The following FDCSP variants were observed in gnomAD, a reference collection of about 807,000 sequenced individuals.
The protein encoded by FDCSP is follicular dendritic cell secreted protein, also known as follicular dendritic cell secreted peptide.
FDCSP carries 8 observed loss-of-function variants against 8.9 expected under a neutral mutation model. The ratio of observed to expected loss-of-function variants is 0.90; its 90% CI spans 0.53 to 1.63. FDCSP has a LOEUF of 1.63. FDCSP is among the 40% of genes most tolerant of loss of function. The probability of loss-of-function intolerance (pLI) is 0.00; values close to 1 mark genes in which losing one functional copy is unlikely to be tolerated. For synonymous variants in FDCSP, 34 were observed against 34.5 expected, an observed-to-expected ratio of 0.98 and a Z score of 0.06; for missense variants, 101 against 103.6, an observed-to-expected ratio of 0.98 and a Z score of 0.11.
rs753596061 is a variant in FDCSP, at chr4:70,234,236, T to C, written c.*28+21T>C. Reference sequence around the variant, plus strand: ...ACCTGGTAAGTACACATAGTTACAATCATAGTTTATTTTAAGTTTGCAGAT... The same window carrying C: ...ACCTGGTAAGTACACATAGTTACAACCATAGTTTATTTTAAGTTTGCAGAT... On this transcript the variant is annotated intron_variant, in intron 4 of 4. Transcript: ENST00000317987. The C allele has an allele frequency of 8.1e-6, 12 of 1,483,774 alleles. No individual in the cohort carries two copies. The Admixed American group carries it at 1.6e-4, about 20-fold the overall frequency. 91.9% of individuals were successfully genotyped at this position (1,483,774 alleles called of 1,614,324 possible).
At chr4:70,228,942 A>G (rs1050976767) in intron 1 of FDCSP, among the ~76,000 whole-genome samples, 2 of 151,798 alleles carry the variant, frequency 1.3e-5, no homozygotes, top group Admixed American at 6.6e-5. Flanking sequence ...TTTCTAAATG[A>G]TAAATGAGCA....
chr4:70,229,527 A>G (rs1283776327), intron 1 of FDCSP, among the ~76,000 whole-genome samples: 3 of 151,724 alleles, frequency 2.0e-5, no homozygotes, highest in African/African-American at 7.3e-5. Context: ...CTTCTTCACT[A>G]AATCGTTTTT....
chr4:70,233,251 C>T (rs2109686687), intron 3 of FDCSP, among the ~76,000 whole-genome samples: 1 of 151,726 alleles, frequency 6.6e-6, no homozygotes, highest in Admixed American at 6.6e-5. Context: ...GGATTGAAAT[C>T]CGAATCACTC....
intron 4 of FDCSP, 26 bp downstream of exon 4, chr4:70,234,241 GTTTAT>G (rs1227669310): frequency 2.7e-6 from 4 of 1,465,580 alleles, no homozygotes; most frequent in Non-Finnish European, 3.6e-6. Flanking sequence ...TACAATCATA[GTTTAT>G]TTTAAGTTTG....
At chr4:70,233,520 G>T (rs1730122369) in intron 3 of FDCSP, among the ~76,000 whole-genome samples, 1 of 151,478 alleles carries the variant, frequency 6.6e-6, no homozygotes, top group South Asian at 2.1e-4. Context: ...TTAAAGGTTT[G>T]TTTTTATTTA....
At chr4:70,229,487 G>C (rs2109684158) in intron 1 of FDCSP, among the ~76,000 whole-genome samples, 1 of 151,878 alleles carries the variant, frequency 6.6e-6, no homozygotes, top group East Asian at 1.9e-4. Flanking sequence ...CAAGATCCTA[G>C]CTTTCAGCTT....
intron 3 of FDCSP, among the ~76,000 whole-genome samples, chr4:70,233,639 A>G (rs1190944515): frequency 6.6e-6 from 1 of 151,736 alleles, no homozygotes; most frequent in Non-Finnish European, 1.5e-5. Context: ...GAGCAAAAGC[A>G]GGAAGAAGGA....
chr4:70,232,873 G>A (rs1016351229), intron 2 of FDCSP, 121 bp from the exon 3 acceptor site: 2 of 855,452 alleles, frequency 2.3e-6, no homozygotes, highest in African/African-American at 1.8e-5. Flanking sequence ...CAAATTATGG[G>A]TATTTTAAAA....
At chr4:70,230,198 C>T (rs1730055860) in intron 1 of FDCSP, among the ~76,000 whole-genome samples, 1 of 151,536 alleles carries the variant, frequency 6.6e-6, no homozygotes, top group African/African-American at 2.4e-5. Context: ...ACTTGATTGC[C>T]TTTCCCAGAA....
At chr4:70,234,666 A>G (rs1243039929) in intron 4 of FDCSP, among the ~76,000 whole-genome samples, 1 of 151,482 alleles carries the variant, frequency 6.6e-6, no homozygotes, top group Admixed American at 6.6e-5. Context: ...TCCAAGTGTC[A>G]CATTATAGTA....
At position 70,233,863 on chromosome 4, in the gene FDCSP, A is replaced by G. The variant is rs138376109; in HGVS notation, c.91-157A>G. ...ATTTTTAAATGATGCAAATTAATAA[A>G]CTCCCTGTCCATAGTACACACAGAA... is the stretch of plus-strand genomic sequence containing the variant. On this transcript the variant is annotated intron_variant, in intron 3 of 4. Transcript: ENST00000317987. Among the ~76,000 whole-genome samples, 263 of 151,606 alleles carry G rather than the reference A, an allele frequency of 1.7e-3. 2 individuals are homozygous for G. The highest frequency in any genetic ancestry group is 6.5e-3 in the Admixed American group (99 of 15,170).
At chr4:70,231,655 C>T (rs958513465) in intron 2 of FDCSP, among the ~76,000 whole-genome samples, 8 of 151,636 alleles carry the variant, frequency 5.3e-5, no homozygotes, top group Non-Finnish European at 8.9e-5. Context: ...TAATAATAAA[C>T]AACTATGTTA....
chr4:70,234,291 T>A, intron 4 of FDCSP, 76 bp downstream of exon 4: 10 of 1,198,936 alleles, frequency 8.3e-6, no homozygotes, highest in Non-Finnish European at 1.2e-5. Flanking sequence ...GAAAAAAAAA[T>A]GTTAACTATG....
At position 70,232,993 on chromosome 4, in the gene FDCSP, G is replaced by C. The variant is rs201085842; in HGVS notation, c.58-1G>C. On this transcript the variant is annotated splice_acceptor_variant, in intron 2 of 4. Transcript: ENST00000317987. LOFTEE classifies it high-confidence loss of function. ...AATTAATTTCACTATTTGATCTTTAGGTCTCTCAAGACCAGGAACGAGAAA... is the reference window on the plus strand; with the variant it reads ...AATTAATTTCACTATTTGATCTTTACGTCTCTCAAGACCAGGAACGAGAAA... 4.8e-5 allele frequency: 77 copies of C among 1,591,526 alleles called. No individual in the cohort carries two copies. Among genetic ancestry groups the C allele is most frequent in the Non-Finnish European group, 6.5e-5 (76 of 1,171,644 alleles).
At position 70,226,180 on chromosome 4, in the gene FDCSP, G is replaced by C. The variant is rs1729982319; in HGVS notation, c.-3G>C. ...AGAGAAAGAACTGACTGAAACGTTTGAGGTAAGAAAGGTCTTAAATATCAT... is the reference window on the plus strand; with the variant it reads ...AGAGAAAGAACTGACTGAAACGTTTCAGGTAAGAAAGGTCTTAAATATCAT... On this transcript the variant is annotated splice_region_variant and 5_prime_UTR_variant, in exon 1 of 5. Coordinates refer to ENST00000317987, the MANE Select transcript of FDCSP (RefSeq NM_152997.4). 6.6e-6 allele frequency: 1 copy of C among 151,884 alleles called. No homozygotes were observed. The highest frequency in any genetic ancestry group is 2.1e-4 in the South Asian group (1 of 4,824). The allele number at this position is 151,884 out of a possible 1,614,324, so 9.4% of individuals were successfully genotyped here.
chr4:70,227,079 T>TA (rs1194903541), intron 1 of FDCSP, among the ~76,000 whole-genome samples: 1 of 151,866 alleles, frequency 6.6e-6, no homozygotes, highest in Non-Finnish European at 1.5e-5. Flanking sequence ...ATTACAGAAA[T>TA]ATCTGTATCC....
At chr4:70,227,580 C>T (rs899068206) in intron 1 of FDCSP, among the ~76,000 whole-genome samples, 4 of 121,228 alleles carry the variant, frequency 3.3e-5, no homozygotes, top group African/African-American at 8.1e-5. Context: ...ATTAAATAGT[C>T]TTTAAAAAGC....
rs149018660 is a variant in FDCSP, at chr4:70,232,503, T to C, written c.58-491T>C. Among the ~76,000 whole-genome samples, 621 of 151,740 alleles carry C rather than the reference T, an allele frequency of 4.1e-3. 2 individuals carry two copies. Among genetic ancestry groups the C allele is most frequent in the African/African-American group, 0.014 (568 of 41,460 alleles). On this transcript the variant is annotated intron_variant, in intron 2 of 4. Coordinates refer to ENST00000317987, the MANE Select transcript of FDCSP (RefSeq NM_152997.4). Reference sequence around the variant, plus strand: ...TAGTTATGTAGTAGGCTATACCACCTAGGTTTGTGTAAGGACACTCTATGA... The same window carrying C: ...TAGTTATGTAGTAGGCTATACCACCCAGGTTTGTGTAAGGACACTCTATGA...
At chr4:70,234,601 C>T (rs556582614) in intron 4 of FDCSP, among the ~76,000 whole-genome samples, 1 of 151,618 alleles carries the variant, frequency 6.6e-6, no homozygotes, top group South Asian at 2.1e-4. Flanking sequence ...AGTAGACCAG[C>T]TTAGCCCTTA....
Sources: gnomAD v4.1 joint callset for allele counts (sites outside exome capture counted in the v4.1 genomes callset) on GRCh38, gnomAD v4.1.1 for gene constraint, MANE v1.5 for transcripts, NCBI Gene and HGNC (gene_info 2026-07-23, HGNC 2026-07-21) for gene names.